GPHN: variants seen among roughly 807,000 people sequenced by gnomAD.
GPHN encodes the protein gephyrin.
In GPHN, 17 loss-of-function variants were observed where a neutral mutation model predicts 95.5. The ratio of observed to expected loss-of-function variants is 0.18; its 90% CI spans 0.12 to 0.27. The LOEUF is 0.27. Ranked by LOEUF, GPHN falls within the 10% of genes least tolerant of loss-of-function variation. The probability of loss-of-function intolerance (pLI) is 1.00; values close to 1 mark genes in which losing one functional copy is unlikely to be tolerated. For synonymous variants in GPHN, 320 were observed against 322.5 expected, an observed-to-expected ratio of 0.99 and a Z score of 0.08; for missense variants, 660 against 978.1, an observed-to-expected ratio of 0.67 and a Z score of 4.34.
chr14:67,577,461 C>T, the GPHN span: 1 of 1,232,720 alleles, frequency 8.1e-7, no homozygotes, highest in South Asian at 1.3e-5. Flanking sequence ...ACTTGCAATA[C>T]TTGGGTGGAG....
intron 13 of GPHN, among the ~76,000 whole-genome samples, chr14:67,101,273 TTAGAAG>T (rs1344740548): frequency 6.6e-6 from 1 of 152,102 alleles, no homozygotes; most frequent in African/African-American, 2.4e-5. Flanking sequence ...ATGGGGAAAC[TTAGAAG>T]TAGATTATTT....
chr14:67,388,342 A>G, the GPHN span: 1 of 1,264,702 alleles, frequency 7.9e-7, no homozygotes. Flanking sequence ...TTTGTGAATG[A>G]ACAAAAGGGA....
chr14:66,714,692 C>A (rs745886852), intron 2 of GPHN, among the ~76,000 whole-genome samples: 1 of 152,056 alleles, frequency 6.6e-6, no homozygotes, highest in Non-Finnish European at 1.5e-5. Context: ...ATAAAAGTTG[C>A]TGGATTTTGT....
chr14:66,893,266 C>T (rs2064623069), intron 5 of GPHN, among the ~76,000 whole-genome samples: 1 of 152,160 alleles, frequency 6.6e-6, no homozygotes, highest in Non-Finnish European at 1.5e-5. Flanking sequence ...CAGGTGATTT[C>T]TGCATTTCCA....
Position 66,864,397 on chromosome 14 carries a change from A to G in GPHN, c.295-15542A>G, listed in dbSNP as rs115996847. Among the ~76,000 whole-genome samples, 599 of 152,296 alleles carry G rather than the reference A, an allele frequency of 3.9e-3. 6 individuals carry two copies. Among genetic ancestry groups the G allele is most frequent in the African/African-American group, 0.013 (559 of 41,578 alleles). ...TAAGTTAGTACAACCACCATGGAGAACAGTTTGGAGGTTTCTTGGAAAACT... is the reference window on the plus strand; with the variant it reads ...TAAGTTAGTACAACCACCATGGAGAGCAGTTTGGAGGTTTCTTGGAAAACT... On this transcript the variant is annotated intron_variant, in intron 4 of 22. Coordinates refer to ENST00000478722, the MANE Select transcript of GPHN (RefSeq NM_020806.5).
the GPHN span, chr14:67,574,367 T>G: frequency 1.3e-6 from 2 of 1,591,810 alleles, no homozygotes; most frequent in Admixed American, 1.8e-5. This position sits in a 1 kb window ranked among gnomAD's most constrained non-coding sequence, Gnocchi z 4.2. Flanking sequence ...TGCTTCGGGG[T>G]GGCACCAAGC....
chr14:67,221,907 C>T, the GPHN span: 1 of 1,447,982 alleles, frequency 6.9e-7, no homozygotes, highest in Non-Finnish European at 9.4e-7. Context: ...CAAAGGAATT[C>T]AGCTAGACTT....
At chr14:67,030,158 T>G (rs1049525458) in intron 10 of GPHN, among the ~76,000 whole-genome samples, 4 of 131,158 alleles carry the variant, frequency 3.0e-5, no homozygotes, top group African/African-American at 8.1e-5. Context: ...TAAACTTCAG[T>G]TTTTTTTCCA....
intron 1 of GPHN, among the ~76,000 whole-genome samples, chr14:66,658,647 C>A (rs1202024527): frequency 6.6e-6 from 1 of 152,082 alleles, no homozygotes; most frequent in Non-Finnish European, 1.5e-5. Flanking sequence ...GCAATAAGAT[C>A]TTTTAAAATC....
chr14:66,763,953 G>A lies in GPHN; in HGVS notation c.144-12511G>A, dbSNP rs1028870632. ...ACATTGTGTGCGCCTTATGAGAATC[G>A]AATGCCTGAAGATCTGCCACTGTCT... On this transcript the variant is annotated intron_variant, in intron 2 of 22. Transcript: ENST00000478722. 1.5e-4 allele frequency among the ~76,000 whole-genome samples: 23 copies of A among 152,230 alleles called. No homozygotes were observed. The East Asian group carries it at 2.1e-3, about 14-fold the overall frequency.
the GPHN span, among the ~76,000 whole-genome samples, chr14:67,630,079 C>T: frequency 1.3e-5 from 2 of 152,182 alleles, no homozygotes; most frequent in Non-Finnish European, 2.9e-5. Context: ...CATGCTTTTC[C>T]AGTTCGGGTA....
the GPHN span, chr14:67,593,656 T>A: frequency 6.7e-6 from 5 of 743,032 alleles, no homozygotes; most frequent in Non-Finnish European, 1.2e-5. Flanking sequence ...GTCTCACTTT[T>A]ACGGTTTTAG....
chr14:67,080,096 G>T (rs1567302125), intron 11 of GPHN, among the ~76,000 whole-genome samples: 2 of 151,968 alleles, frequency 1.3e-5, no homozygotes, highest in Non-Finnish European at 2.9e-5. Context: ...TGGGTTTTTT[G>T]ATGGTAGCTA....
At chr14:67,029,320 T>G (rs1468131209) in intron 10 of GPHN, among the ~76,000 whole-genome samples, 2 of 152,014 alleles carry the variant, frequency 1.3e-5, no homozygotes, top group Admixed American at 1.3e-4. Flanking sequence ...CTGGTGGTAC[T>G]TCTGGTATTA....
At chr14:67,586,768 C>T in the GPHN span, 5 of 1,333,664 alleles carry the variant, frequency 3.7e-6, no homozygotes, top group Non-Finnish European at 4.9e-6. Context: ...AGGGGAGGAT[C>T]TCCAGATCCC....
At chr14:66,898,861 TTA>T (rs2064993289) in intron 5 of GPHN, among the ~76,000 whole-genome samples, 1 of 151,984 alleles carries the variant, frequency 6.6e-6, no homozygotes, top group African/African-American at 2.4e-5. Flanking sequence ...CATGAACACA[TTA>T]TGTCTCTTCC....
chr14:67,714,836 G>A, the GPHN span: 1 of 152,250 alleles, frequency 6.6e-6, no homozygotes. Flanking sequence ...CCTGCACTGT[G>A]GTGAGGTGCT....
At chr14:66,962,049 C>T (rs967236185) in intron 8 of GPHN, among the ~76,000 whole-genome samples, 8 of 149,228 alleles carry the variant, frequency 5.4e-5, no homozygotes, top group Admixed American at 1.3e-4. Flanking sequence ...ATGCAGTTGT[C>T]TATCAACAGA....
At chr14:67,370,246 G>T in the GPHN span, among the ~76,000 whole-genome samples, 1 of 152,184 alleles carries the variant, frequency 6.6e-6, no homozygotes, top group African/African-American at 2.4e-5. Flanking sequence ...GACCATTATG[G>T]ACATGTCGCA....
Sources: allele counts gnomAD v4.1 joint callset (sites outside exome capture counted in the v4.1 genomes callset), GRCh38; gene constraint gnomAD v4.1.1; non-coding constraint Gnocchi (gnomAD v3.1); transcripts MANE v1.5; gene names NCBI Gene and HGNC (gene_info 2026-07-23, HGNC 2026-07-21).